The following DCUN1D3 variants were observed in gnomAD, a reference collection of about 807,000 sequenced individuals.
The protein encoded by DCUN1D3 is defective in cullin neddylation 1 domain containing 3.
Under a neutral mutation model 24.8 loss-of-function variants are expected in DCUN1D3, and 6 were observed. The observed-to-expected ratio is 0.24, with a 90% CI of 0.13 to 0.48. The LOEUF (loss-of-function observed/expected upper bound fraction) is 0.48. DCUN1D3 is among the 20% of genes least tolerant of loss of function. The probability of loss-of-function intolerance (pLI) is 0.99; values close to 1 mark genes in which losing one functional copy is unlikely to be tolerated. For missense variants in DCUN1D3, 258 were observed against 379.4 expected (o/e 0.68, Z 2.66); for synonymous variants, 120 against 144.9 (o/e 0.83, Z 1.24).
At chr16:20,875,746 A>G (rs552255314) in intron 1 of DCUN1D3, among the ~76,000 whole-genome samples, 1 of 152,286 alleles carries the variant, frequency 6.6e-6, no homozygotes, top group East Asian at 1.9e-4. Flanking sequence ...AGACCTTAAA[A>G]GCACAGGCAA....
rs1178785107 is a variant in DCUN1D3, at chr16:20,856,307, CACT to C, written c.*3576_*3578del. 2.6e-5 allele frequency: 4 copies of C among 152,170 alleles called. No homozygotes were observed. Among genetic ancestry groups the C allele is most frequent in the African/African-American group, 9.7e-5 (4 of 41,428 alleles). 9.4% of individuals were successfully genotyped at this position (152,170 alleles called of 1,614,324 possible). A position where few individuals can be genotyped will look rare whatever the true frequency, so the allele number is the denominator to read the frequency against. The stretch of plus-strand genomic sequence containing the variant: ...AGTTCTTATCCCAGTAACTCCCCAC[CACT>C]GTTTAATACAATTTGGCACAGTATA... On this transcript the variant is annotated 3_prime_UTR_variant, in exon 3 of 3. Coordinates refer to ENST00000324344, the MANE Select transcript of DCUN1D3 (RefSeq NM_173475.4).
At chr16:20,894,455 T>A (rs138955670) in intron 1 of DCUN1D3, among the ~76,000 whole-genome samples, 1 of 152,254 alleles carries the variant, frequency 6.6e-6, no homozygotes, top group East Asian at 1.9e-4. Flanking sequence ...AGACCTGGTA[T>A]GAATCTGCAG....
rs1016908792 is a variant in DCUN1D3 at position 20,860,774 on chromosome 16, G to A, written c.432-405C>T. 6.6e-6 allele frequency among the ~76,000 whole-genome samples: 1 copy of A among 152,130 alleles called. No individual in the cohort carries two copies. The highest frequency in any genetic ancestry group is 1.5e-5 in the Non-Finnish European group (1 of 68,028). On this transcript the variant is annotated intron_variant, in intron 2 of 2. Transcript: ENST00000324344. This position sits in a 1 kb window ranked among gnomAD's most constrained non-coding sequence, Gnocchi z 4.3. The stretch of plus-strand genomic sequence containing the variant: ...CTGTTTCCCTTCTGATTCTCTATGG[G>A]TTGTTTGTTTGGGGTATATTTTTAG...
chr16:20,890,917 T>C (rs1310577760), intron 1 of DCUN1D3, among the ~76,000 whole-genome samples: 3 of 151,836 alleles, frequency 2.0e-5, no homozygotes, highest in African/African-American at 4.8e-5. Flanking sequence ...GTCAAAATTT[T>C]TTTTTTTTTT....
chr16:20,871,820 C>T (rs2043952551), intron 1 of DCUN1D3, among the ~76,000 whole-genome samples: 1 of 152,212 alleles, frequency 6.6e-6, no homozygotes, highest in African/African-American at 2.4e-5. Context: ...TTTCTAACTA[C>T]CCACTTATGT....
intron 1 of DCUN1D3, among the ~76,000 whole-genome samples, chr16:20,881,271 A>G (rs1353231459): frequency 1.3e-5 from 2 of 152,148 alleles, no homozygotes; most frequent in Non-Finnish European, 2.9e-5. Context: ...AGTGGGTGTG[A>G]TGATGTACAC....
rs1405570212 is a variant in DCUN1D3 at position 20,860,277 on chromosome 16, T to C, written c.524A>G (p.Gln175Arg). Reference protein sequence around the residue: ...RFPSLLTEAKQEDKFKDLYRF... With the variant: ...RFPSLLTEAKREDKFKDLYRF... The stretch of plus-strand genomic sequence containing the variant: ...GTAGAGATCCTTGAATTTATCCTCT[T>C]GTTTGGCTTCTGTTAAGAGGCTAGG... Residue 175 changes from glutamine to arginine, a missense_variant, in exon 3 of 3, where the codon CAA becomes CGA. Physicochemically the swap from Gln to Arg is conservative, Grantham distance 43. Transcript: ENST00000324344. This position sits in a 1 kb window ranked among gnomAD's most constrained non-coding sequence, Gnocchi z 4.3. The C allele has an allele frequency of 1.2e-6, 2 of 1,614,202 alleles. No homozygotes were observed. The highest frequency in any genetic ancestry group is 1.7e-5 in the Admixed American group (1 of 60,028).
At chr16:20,872,619 C>A (rs1258140027) in intron 1 of DCUN1D3, among the ~76,000 whole-genome samples, 1 of 152,192 alleles carries the variant, frequency 6.6e-6, no homozygotes, top group Non-Finnish European at 1.5e-5. Context: ...CTGCTTTCAA[C>A]CACATCAGTA....
intron 1 of DCUN1D3, among the ~76,000 whole-genome samples, chr16:20,883,467 C>T (rs373080921): frequency 1.3e-5 from 2 of 151,860 alleles, no homozygotes; most frequent in African/African-American, 4.8e-5. Flanking sequence ...GAGCCGAGGT[C>T]GAGCCACTGC....
Position 20,859,540 on chromosome 16 carries a change from CAAAAAAAAAAAA to C in DCUN1D3, c.*334_*345del, listed in dbSNP as rs61506075. 1 of 71,260 alleles carries C rather than the reference CAAAAAAAAAAAA, an allele frequency of 1.4e-5. No individual in the cohort carries two copies. The highest frequency in any genetic ancestry group is 3.8e-4 in the South Asian group (1 of 2,656). The allele number at this position is 71,260 out of a possible 1,614,324, so 4.4% of individuals were successfully genotyped here. On this transcript the variant is annotated 3_prime_UTR_variant, in exon 3 of 3. Transcript: ENST00000324344. ...CGCCCTGCTCTATGCCCTCCCCTAC[CAAAAAAAAAAAA>C]AAAAAAACAAAAAAAAACAAAAAAA... is the stretch of plus-strand genomic sequence containing the variant.
intron 2 of DCUN1D3, among the ~76,000 whole-genome samples, chr16:20,861,411 G>A (rs1362287210): frequency 1.3e-5 from 2 of 150,848 alleles, no homozygotes; most frequent in East Asian, 1.9e-4. Flanking sequence ...CCTCCCCAGA[G>A]GCACTTACCA....
At chr16:20,898,861 ATCTG>A (rs1216496132) in intron 1 of DCUN1D3, among the ~76,000 whole-genome samples, 5 of 146,584 alleles carry the variant, frequency 3.4e-5, no homozygotes, top group Admixed American at 2.7e-4. Context: ...TCACTCTGAT[ATCTG>A]TCTGAGAGGC....
chr16:20,881,936 AGGATTACAGGC>A (rs1175026136), intron 1 of DCUN1D3, among the ~76,000 whole-genome samples: 7 of 151,622 alleles, frequency 4.6e-5, no homozygotes, highest in African/African-American at 1.7e-4. Context: ...CCAAGTAGCC[AGGATTACAGGC>A]GCATGGTACC....
At chr16:20,861,601 G>A (rs1400783257) in intron 2 of DCUN1D3, among the ~76,000 whole-genome samples, 2 of 152,160 alleles carry the variant, frequency 1.3e-5, no homozygotes, top group Non-Finnish European at 2.9e-5. Context: ...CAGCAGTGGG[G>A]CCGAGCAGCA....
chr16:20,858,004 G>C lies in DCUN1D3; in HGVS notation c.*1882C>G, dbSNP rs752992811. The C allele has an allele frequency of 1.3e-5, 2 of 152,578 alleles. No homozygotes were observed. The highest frequency in any genetic ancestry group is 2.9e-5 in the Non-Finnish European group (2 of 68,042). The allele number at this position is 152,578 out of a possible 1,614,324, so 9.5% of individuals were successfully genotyped here. On this transcript the variant is annotated 3_prime_UTR_variant, in exon 3 of 3. Coordinates refer to ENST00000324344, the MANE Select transcript of DCUN1D3 (RefSeq NM_173475.4). Reference sequence around the variant, plus strand: ...CTGAGAAACATACCTGGGACGCAGCGGGGTATTAGGTTAAGGGAGAAACCT... The same window carrying C: ...CTGAGAAACATACCTGGGACGCAGCCGGGTATTAGGTTAAGGGAGAAACCT...
At chr16:20,866,078 C>CT (rs765448529) in intron 1 of DCUN1D3, among the ~76,000 whole-genome samples, 3 of 152,148 alleles carry the variant, frequency 2.0e-5, no homozygotes, top group African/African-American at 2.4e-5. Context: ...ACTTTTTATG[C>CT]TTTAAGACTA....
At position 20,862,274 on chromosome 16, in the gene DCUN1D3, G is replaced by T. The variant is rs775501439; in HGVS notation, c.265C>A (p.Gln89Lys). The T allele has an allele frequency of 1.2e-6, 2 of 1,614,070 alleles. No homozygotes were observed. Among genetic ancestry groups the T allele is most frequent in the Non-Finnish European group, 1.7e-6 (2 of 1,180,044 alleles). The change falls in exon 2 of 3, where the codon CAA (glutamine) becomes AAA (lysine). Residue 89 changes from glutamine to lysine, a missense_variant. By Grantham distance (53) the Gln-to-Lys change is moderately conservative. Transcript: ENST00000324344. The stretch of plus-strand genomic sequence containing the variant: ...CGCCTGAACAGTTCTTCCAATCTTT[G>T]CAAGGAAGACTCCTCGGCATTGGAC... Reference protein sequence around the residue: ...SKSNAEESSLQRLEELFRRYK... With the variant: ...SKSNAEESSLKRLEELFRRYK...
At chr16:20,881,100 C>T (rs2081841498) in intron 1 of DCUN1D3, among the ~76,000 whole-genome samples, 2 of 152,014 alleles carry the variant, frequency 1.3e-5, no homozygotes, top group Non-Finnish European at 2.9e-5. Context: ...TTAACTGCAA[C>T]CTTCAGTGAG....
chr16:20,862,731 CT>C, intron 1 of DCUN1D3, 88 bp from the exon 2 acceptor site: 1 of 1,266,874 alleles, frequency 7.9e-7, no homozygotes, highest in Non-Finnish European at 1.1e-6. Context: ...GTTCACCGCT[CT>C]ATTTCCATGA....
Sources: gnomAD v4.1 joint callset for allele counts (sites outside exome capture counted in the v4.1 genomes callset) on GRCh38, gnomAD v4.1.1 for gene constraint, Gnocchi (gnomAD v3.1) non-coding constraint, MANE v1.5 for transcripts, NCBI Gene and HGNC (gene_info 2026-07-23, HGNC 2026-07-21) for gene names.